PTPRZ1: variants seen among roughly 807,000 people sequenced by gnomAD.
The protein encoded by PTPRZ1 is protein tyrosine phosphatase receptor type Z1, also known as receptor-type tyrosine-protein phosphatase zeta.
In PTPRZ1, 82 loss-of-function variants were observed where a neutral mutation model predicts 214.1. The ratio of observed to expected loss-of-function variants is 0.38; its 90% CI spans 0.32 to 0.46. The LOEUF is 0.46. Among genes scored for constraint, PTPRZ1 ranks in the 20% least tolerant of loss-of-function variants. The pLI is 1.00. For missense variants in PTPRZ1, 2,603 were observed against 2,748.7 expected (o/e 0.95, Z 1.19); for synonymous variants, 945 against 987.9 (o/e 0.96, Z 0.81).
At chr7:121,877,559 A>G (rs1198099097) in intron 1 of PTPRZ1, among the ~76,000 whole-genome samples, 1 of 152,190 alleles carries the variant, frequency 6.6e-6, no homozygotes, top group Non-Finnish European at 1.5e-5. Flanking sequence ...GAATCGTTCC[A>G]GCCATGCTAC....
Position 122,013,843 on chromosome 7 carries a change from A to G in PTPRZ1, c.4797A>G (p.Ser1599=). The part of the protein sequence containing the change: ...ITPGFPQSPT[S]SVTSENSEVF... ...CTGGATTCCCACAGTCCCCAACATC[A>G]TCTGTTACTAGCGAGAACTCAGAAG... Residue 1599 remains serine, a synonymous_variant, in exon 12 of 30, where the codon TCA becomes TCG. Transcript: ENST00000393386. The G allele has an allele frequency of 1.2e-6, 2 of 1,613,810 alleles. No homozygotes were observed. The highest frequency in any genetic ancestry group is 1.7e-6 in the Non-Finnish European group (2 of 1,179,834).
chr7:121,904,271 G>C (rs1795055858), intron 1 of PTPRZ1, among the ~76,000 whole-genome samples: 1 of 152,100 alleles, frequency 6.6e-6, no homozygotes, highest in African/African-American at 2.4e-5. Context: ...ATCTCACTCA[G>C]GAGGCTGGCT....
intron 6 of PTPRZ1, among the ~76,000 whole-genome samples, chr7:121,981,123 G>A (rs1214925644): frequency 1.3e-5 from 2 of 149,208 alleles, no homozygotes; most frequent in Non-Finnish European, 3.0e-5. Context: ...AGCCTGGGCG[G>A]CAGCGAGACT....
chr7:122,056,526 A>C (rs919864495), intron 27 of PTPRZ1, among the ~76,000 whole-genome samples: 6 of 151,832 alleles, frequency 4.0e-5, no homozygotes, highest in Non-Finnish European at 5.9e-5. Context: ...ACCAAATATC[A>C]CATTTGAGGT....
chr7:121,927,611 G>A (rs756507923), intron 1 of PTPRZ1, among the ~76,000 whole-genome samples: 7 of 152,136 alleles, frequency 4.6e-5, no homozygotes, highest in African/African-American at 1.7e-4. Flanking sequence ...GCTATCTGAC[G>A]TAACATTTCT....
chr7:121,919,827 T>A (rs1795538658), intron 1 of PTPRZ1, among the ~76,000 whole-genome samples: 1 of 148,692 alleles, frequency 6.7e-6, no homozygotes, highest in African/African-American at 2.5e-5. Context: ...TTCATTTTTT[T>A]AGTAATTGAT....
chr7:121,885,749 GC>G (rs1412363436), intron 1 of PTPRZ1, among the ~76,000 whole-genome samples: 1 of 152,188 alleles, frequency 6.6e-6, no homozygotes, highest in African/African-American at 2.4e-5. Context: ...TTTGGAAGGA[GC>G]TTTTCAAGAC....
intron 2 of PTPRZ1, among the ~76,000 whole-genome samples, chr7:121,955,390 A>G (rs1796671946): frequency 6.6e-6 from 1 of 152,068 alleles, no homozygotes. Flanking sequence ...AAGAAGAGAG[A>G]TTTTTATTTC....
At chr7:121,969,580 AAT>A (rs1213979016) in intron 3 of PTPRZ1, among the ~76,000 whole-genome samples, 24 of 141,320 alleles carry the variant, frequency 1.7e-4, no homozygotes, top group South Asian at 9.4e-4. Context: ...AAAAAAAAAA[AAT>A]CTCATGAAAG....
chr7:122,054,839 G>A, intron 26 of PTPRZ1, 102 bp from the exon 27 acceptor site: 3 of 1,155,128 alleles, frequency 2.6e-6, no homozygotes, highest in Non-Finnish European at 3.6e-6. Flanking sequence ...AAGAAAAATT[G>A]GAGTTGAAAT....
chr7:122,055,095 T>C lies in PTPRZ1; in HGVS notation c.6528+8T>C. The C allele has an allele frequency of 6.5e-7, 1 of 1,529,626 alleles. No individual in the cohort carries two copies. Among genetic ancestry groups the C allele is most frequent in the East Asian group, 2.3e-5 (1 of 43,036 alleles). The allele number at this position is 1,529,626 out of a possible 1,614,324, so 94.8% of individuals were successfully genotyped here. A position where few individuals can be genotyped will look rare whatever the true frequency, so the allele number is the denominator to read the frequency against. On this transcript the variant is annotated splice_region_variant and intron_variant, in intron 27 of 29. Transcript: ENST00000393386. The stretch of plus-strand genomic sequence containing the variant: ...ATCTTAGAAGCTACACAGGTAAGGA[T>C]ATAAGTTAAATGACAAACTTTTTAT...
chr7:121,917,344 C>T (rs1003772260), intron 1 of PTPRZ1, among the ~76,000 whole-genome samples: 2 of 152,044 alleles, frequency 1.3e-5, no homozygotes, highest in African/African-American at 2.4e-5. Flanking sequence ...AAATGGTTCA[C>T]CCTTGAATAT....
At chr7:122,004,731 T>G (rs1487936504) in intron 11 of PTPRZ1, 71 bp downstream of exon 11, 1 of 882,160 alleles carries the variant, frequency 1.1e-6, no homozygotes, top group Non-Finnish European at 1.8e-6. Context: ...GCTTGGGTGT[T>G]AGGTATTGCC....
chr7:121,969,844 C>T (rs1341859687), intron 3 of PTPRZ1, among the ~76,000 whole-genome samples: 1 of 151,552 alleles, frequency 6.6e-6, no homozygotes, highest in Non-Finnish European at 1.5e-5. Flanking sequence ...GGTACATGTG[C>T]ACAACATGCA....
rs778407801 is a variant in PTPRZ1, at chr7:122,044,566, C to A, written c.6082C>A (p.Gln2028Lys). The A allele has an allele frequency of 6.2e-7, 1 of 1,613,202 alleles. No homozygotes were observed. Residue 2028 changes from glutamine to lysine, a missense_variant and splice_region_variant, in exon 23 of 30, where the codon CAG becomes AAG. Physicochemically the swap from Gln to Lys is moderately conservative, Grantham distance 53. Around this residue, in one of 6 missense-constraint regions of PTPRZ1, gnomAD observed 1,913 missense variants for 1,914.3 expected, o/e 1.00. Coordinates refer to ENST00000393386, the MANE Select transcript of PTPRZ1 (RefSeq NM_002851.3). Reference sequence around the variant, plus strand: ...CAAAACAAAGCTAGAGAAACAATTCCAGGTGAGTCCTCTTGGAAGCCTCTT... The same window carrying A: ...CAAAACAAAGCTAGAGAAACAATTCAAGGTGAGTCCTCTTGGAAGCCTCTT... The part of the protein sequence containing the change: ...AGKTKLEKQF[Q>K]LLSQSNIQQS...
intron 1 of PTPRZ1, among the ~76,000 whole-genome samples, chr7:121,909,795 A>G (rs1795217766): frequency 1.3e-5 from 2 of 152,176 alleles, no homozygotes; most frequent in South Asian, 4.1e-4. Context: ...AGAGTATGTT[A>G]TCTGAAAATA....
chr7:121,877,408 C>T (rs1036796913), intron 1 of PTPRZ1, among the ~76,000 whole-genome samples: 3 of 152,180 alleles, frequency 2.0e-5, no homozygotes, highest in East Asian at 1.9e-4. Context: ...TTCTGAGGAT[C>T]CCTTTCATGA....
At chr7:121,969,837 A>G (rs1797176082) in intron 3 of PTPRZ1, among the ~76,000 whole-genome samples, 1 of 151,806 alleles carries the variant, frequency 6.6e-6, no homozygotes, top group African/African-American at 2.4e-5. Flanking sequence ...GTTCTAGGGT[A>G]CATGTGCACA....
chr7:121,895,562 TA>T (rs1794761773), intron 1 of PTPRZ1, among the ~76,000 whole-genome samples: 1 of 152,200 alleles, frequency 6.6e-6, no homozygotes, highest in Non-Finnish European at 1.5e-5. Context: ...TTACAAGTTG[TA>T]AAGGCTTAGT....
Sources: allele counts gnomAD v4.1 joint callset (sites outside exome capture counted in the v4.1 genomes callset), GRCh38; gene constraint gnomAD v4.1.1; regional missense constraint gnomAD v4.1.1; transcripts MANE v1.5; gene names NCBI Gene and HGNC (gene_info 2026-07-23, HGNC 2026-07-21).